Variants in AMOTL1 observed in about 807,000 individuals in gnomAD.
AMOTL1 encodes angiomotin like 1.
A neutral mutation model predicts 102.9 loss-of-function variants in AMOTL1; 45 were observed. The observed-to-expected ratio is 0.44, with a 90% CI of 0.34 to 0.56. The LOEUF is 0.56. Ranked by LOEUF, AMOTL1 falls within the 20% of genes least tolerant of loss-of-function variation. The probability of loss-of-function intolerance (pLI) is 0.01; values close to 1 mark genes in which losing one functional copy is unlikely to be tolerated. For missense variants in AMOTL1, 1,114 were observed against 1,225.6 expected, an observed-to-expected ratio of 0.91 and a Z score of 1.36; for synonymous variants, 481 against 484.7, an observed-to-expected ratio of 0.99 and a Z score of 0.10.
At chr11:94,844,524 G>A (rs1347283590) in intron 6 of AMOTL1, among the ~76,000 whole-genome samples, 2 of 152,224 alleles carry the variant, frequency 1.3e-5, no homozygotes, top group Non-Finnish European at 2.9e-5. Flanking sequence ...TCGGGAGGCT[G>A]GGAAGTCCAA....
intron 6 of AMOTL1, among the ~76,000 whole-genome samples, chr11:94,837,988 A>G (rs1377099096): frequency 6.6e-6 from 1 of 152,192 alleles, no homozygotes; most frequent in Non-Finnish European, 1.5e-5. Flanking sequence ...TTCCCTAATA[A>G]TTCAGAACCA....
At chr11:94,790,784 G>T (rs1047893932) in intron 1 of AMOTL1, among the ~76,000 whole-genome samples, 1 of 152,144 alleles carries the variant, frequency 6.6e-6, no homozygotes. Context: ...GTCCTCCAGG[G>T]TTTAAACCTC....
intron 4 of AMOTL1, among the ~76,000 whole-genome samples, chr11:94,823,285 C>A (rs1951901219): frequency 6.6e-6 from 1 of 152,150 alleles, no homozygotes; most frequent in East Asian, 1.9e-4. Flanking sequence ...CCAGACTTGG[C>A]TGAGGGAGCT....
In AMOTL1 at chr11:94,821,840, GA is replaced by G; in HGVS notation, c.1413+21del. 1 of 1,607,872 alleles carries G rather than the reference GA, an allele frequency of 6.2e-7. No individual in the cohort carries two copies. Among genetic ancestry groups the G allele is most frequent in the African/African-American group, 1.3e-5 (1 of 74,944 alleles). On this transcript the variant is annotated intron_variant, in intron 4 of 12. Coordinates refer to ENST00000433060, the MANE Select transcript of AMOTL1 (RefSeq NM_130847.3). ...CCACAAGGTGCGTGACTTCCCTGGGGAATGGGAGGGAGACAAATTCTTTACC... is the reference window on the plus strand; with the variant it reads ...CCACAAGGTGCGTGACTTCCCTGGGGATGGGAGGGAGACAAATTCTTTACC...
chr11:94,739,219 G>C (rs1253446499), intron 2 of AMOTL1, among the ~76,000 whole-genome samples: 1 of 152,198 alleles, frequency 6.6e-6, no homozygotes, highest in East Asian at 1.9e-4. Context: ...TATAGATTTT[G>C]CTAGCGATGA....
chr11:94,743,943 G>A (rs578083676), intron 3 of AMOTL1, among the ~76,000 whole-genome samples: 127 of 152,180 alleles, frequency 8.3e-4, no homozygotes, highest in African/African-American at 2.8e-3. Flanking sequence ...GATTACAGGC[G>A]TGAGCCACTG....
At chr11:94,862,401 C>T (rs897072735) in intron 9 of AMOTL1, among the ~76,000 whole-genome samples, 2 of 152,176 alleles carry the variant, frequency 1.3e-5, no homozygotes, top group African/African-American at 4.8e-5. Flanking sequence ...GTAAAAATGA[C>T]TATTTCCAGC....
intron 3 of AMOTL1, among the ~76,000 whole-genome samples, 183 bp from the exon 4 acceptor site, chr11:94,821,347 G>A (rs929915919): frequency 6.6e-6 from 1 of 152,146 alleles, no homozygotes; most frequent in African/African-American, 2.4e-5. Context: ...TGTCTTGTTC[G>A]CTGTTTCCCC....
At chr11:94,707,541 T>C (rs1300568717) in intron 1 of AMOTL1, among the ~76,000 whole-genome samples, 1 of 152,104 alleles carries the variant, frequency 6.6e-6, no homozygotes, top group East Asian at 1.9e-4. Context: ...CCACATATAG[T>C]ATTTGGCACA....
At chr11:94,711,732 G>A (rs1313009588) in intron 1 of AMOTL1, among the ~76,000 whole-genome samples, 6 of 152,048 alleles carry the variant, frequency 3.9e-5, no homozygotes, top group African/African-American at 1.4e-4. Flanking sequence ...TAATAATCTT[G>A]AGATCTATCC....
rs1456654110 is a variant in AMOTL1, at chr11:94,821,845, G to C, written c.1413+24G>C. 4 of 1,606,408 alleles carry C rather than the reference G, an allele frequency of 2.5e-6. No homozygotes were observed. The African/African-American group carries it at 5.3e-5, about 21-fold the overall frequency. ...AGGTGCGTGACTTCCCTGGGGAATG[G>C]GAGGGAGACAAATTCTTTACCTGGT... On this transcript the variant is annotated intron_variant, in intron 4 of 12. Transcript: ENST00000433060.
chr11:94,706,659 T>G (rs990224410), intron 1 of AMOTL1: 5 of 152,226 alleles, frequency 3.3e-5, no homozygotes, highest in Admixed American at 6.5e-5. Context: ...GGGGGGATTT[T>G]GGAAGGCATC....
At chr11:94,868,944 CA>C (rs199534531) in intron 11 of AMOTL1, among the ~76,000 whole-genome samples, 61 of 125,732 alleles carry the variant, frequency 4.9e-4, no homozygotes, top group South Asian at 3.8e-3. Context: ...TTCTCCACTC[CA>C]AAAAAAAAAA....
chr11:94,718,071 T>C (rs1950122223), intron 1 of AMOTL1, among the ~76,000 whole-genome samples: 1 of 152,016 alleles, frequency 6.6e-6, no homozygotes, highest in Non-Finnish European at 1.5e-5. Context: ...ACTCTCAAGC[T>C]TGAAATCTCA....
At chr11:94,810,829 AAGACAC>A (rs1951666211) in intron 3 of AMOTL1, among the ~76,000 whole-genome samples, 2 of 82,726 alleles carry the variant, frequency 2.4e-5, no homozygotes, top group African/African-American at 1.1e-4. Flanking sequence ...AGAAAAATAA[AAGACAC>A]ACACACACAC....
Position 94,857,957 on chromosome 11 carries a change from C to G in AMOTL1, c.1945-1568C>G, listed in dbSNP as rs145769328. The stretch of plus-strand genomic sequence containing the variant: ...CATTAGACCATGCTAGCTCTGTACC[C>G]TTGAATGTTGACATTCATGCATTTA... On this transcript the variant is annotated intron_variant, in intron 8 of 12. Transcript: ENST00000433060. Among the ~76,000 whole-genome samples the G allele has an allele frequency of 8.5e-3, 1,300 of 152,232 alleles. 18 individuals carry two copies. Among genetic ancestry groups the G allele is most frequent in the South Asian group, 0.051 (243 of 4,810 alleles).
intron 2 of AMOTL1, among the ~76,000 whole-genome samples, chr11:94,730,748 T>C (rs2135459118): frequency 6.6e-6 from 1 of 152,308 alleles, no homozygotes; most frequent in East Asian, 1.9e-4. Context: ...AAAACCTTTT[T>C]TGGCTGTGGG....
rs1242932692 is a variant in AMOTL1 at position 94,799,751 on chromosome 11, A to G, written c.561A>G (p.Glu187=). ...RSTQPQQNNE[E]LPTYEEAKAQ... Reference sequence around the variant, plus strand: ...CGCAGCCTCAGCAGAACAACGAGGAACTGCCCACTTACGAGGAGGCCAAAG... The same window carrying G: ...CGCAGCCTCAGCAGAACAACGAGGAGCTGCCCACTTACGAGGAGGCCAAAG... Residue 187 remains glutamate (E), a synonymous_variant, in exon 3 of 13, where the codon GAA becomes GAG. Coordinates refer to ENST00000433060, the MANE Select transcript of AMOTL1 (RefSeq NM_130847.3). The surrounding 1 kb of genome is among the most constrained non-coding windows in gnomAD (Gnocchi z 4.5). 6.2e-7 allele frequency: 1 copy of G among 1,611,490 alleles called. No homozygotes were observed. The highest frequency in any genetic ancestry group is 1.1e-5 in the South Asian group (1 of 90,884).
chr11:94,864,636 G>C, intron 9 of AMOTL1, 99 bp from the exon 10 acceptor site: 1 of 1,509,926 alleles, frequency 6.6e-7, no homozygotes, highest in East Asian at 2.3e-5. Context: ...GCTGATCTCT[G>C]TTCCAGCATG....
Sources: allele counts gnomAD v4.1 joint callset (sites outside exome capture counted in the v4.1 genomes callset), GRCh38; gene constraint gnomAD v4.1.1; non-coding constraint Gnocchi (gnomAD v3.1); transcripts MANE v1.5; gene names NCBI Gene and HGNC (gene_info 2026-07-23, HGNC 2026-07-21).